The following ZNF322 variants were observed in gnomAD, a reference collection of about 807,000 sequenced individuals.
ZNF322 encodes HLA complex group 12.
Under a neutral mutation model 18.3 loss-of-function variants are expected in ZNF322, and 1 was observed. That is an observed-to-expected ratio of 0.05 (90% confidence interval 0.02 to 0.26). ZNF322 has a LOEUF of 0.26. Ranked by LOEUF, ZNF322 falls within the 10% of genes least tolerant of loss-of-function variation. The pLI, the probability that ZNF322 is intolerant of heterozygous loss-of-function variation, is 1.00. For missense variants in ZNF322, 36 were observed against 403.6 expected (o/e 0.09, Z 7.80); for synonymous variants, 17 against 130.7 (o/e 0.13, Z 5.93).
At chr6:26,650,924 T>TA (rs1384462916) in intron 2 of ZNF322, among the ~76,000 whole-genome samples, 2 of 152,290 alleles carry the variant, frequency 1.3e-5, no homozygotes, top group South Asian at 2.1e-4. Flanking sequence ...GACATACTGA[T>TA]ACAAAGTTTA....
chr6:26,640,617 C>T (rs1379657826), intron 3 of ZNF322, among the ~76,000 whole-genome samples: 1 of 152,154 alleles, frequency 6.6e-6, no homozygotes, highest in Non-Finnish European at 1.5e-5. Flanking sequence ...AACAACACTC[C>T]TCTCCTTTCC....
intron 2 of ZNF322, among the ~76,000 whole-genome samples, chr6:26,645,099 G>A (rs1765532991): frequency 6.6e-6 from 1 of 151,734 alleles, no homozygotes; most frequent in Non-Finnish European, 1.5e-5. Flanking sequence ...GGCCATGGAA[G>A]TCAGTGGACA....
At chr6:26,649,320 T>A (rs371074035) in intron 2 of ZNF322, among the ~76,000 whole-genome samples, 28 of 140,912 alleles carry the variant, frequency 2.0e-4, no homozygotes, top group African/African-American at 7.2e-4. Flanking sequence ...TAAACACATA[T>A]AGAAATTTAG....
At chr6:26,642,715 G>A (rs1765487299) in intron 3 of ZNF322, among the ~76,000 whole-genome samples, 1 of 152,122 alleles carries the variant, frequency 6.6e-6, no homozygotes, top group Non-Finnish European at 1.5e-5. Flanking sequence ...TCAGTTTACA[G>A]AGCTAAATGG....
chr6:26,656,828 A>G (rs1765780149), intron 2 of ZNF322, among the ~76,000 whole-genome samples: 2 of 152,142 alleles, frequency 1.3e-5, no homozygotes, highest in Admixed American at 6.5e-5. Context: ...TAAACAACCA[A>G]TGAAGTGTGG....
chr6:26,646,599 C>T (rs936226748), intron 2 of ZNF322, among the ~76,000 whole-genome samples: 4 of 152,110 alleles, frequency 2.6e-5, no homozygotes, highest in African/African-American at 4.8e-5. Context: ...TAATATACCA[C>T]TCTCAATAAA....
chr6:26,651,935 G>A (rs1554149242), intron 2 of ZNF322, among the ~76,000 whole-genome samples: 1 of 152,126 alleles, frequency 6.6e-6, no homozygotes, highest in African/African-American at 2.4e-5. Flanking sequence ...AGGATCAAGT[G>A]GTCCTCCCAC....
At chr6:26,645,798 G>A (rs529304509) in intron 2 of ZNF322, among the ~76,000 whole-genome samples, 5 of 152,058 alleles carry the variant, frequency 3.3e-5, no homozygotes, top group Non-Finnish European at 7.3e-5. Flanking sequence ...TTGGGAGACC[G>A]AGGCAGGCGG....
chr6:26,644,878 C>T (rs1765528946), intron 2 of ZNF322, among the ~76,000 whole-genome samples: 1 of 152,028 alleles, frequency 6.6e-6, no homozygotes. Context: ...TAAATGTGTG[C>T]CTATGTAAAC....
intron 2 of ZNF322, among the ~76,000 whole-genome samples, chr6:26,649,500 AATGATAAGAT>A (rs1765613380): frequency 6.6e-6 from 1 of 151,818 alleles, no homozygotes; most frequent in African/African-American, 2.4e-5. Context: ...TATACATGGA[AATGATAAGAT>A]ACTACAAGAA....
intron 3 of ZNF322, among the ~76,000 whole-genome samples, chr6:26,642,015 G>A (rs906807202): frequency 1.3e-5 from 2 of 152,122 alleles, no homozygotes; most frequent in African/African-American, 2.4e-5. Flanking sequence ...GGAATGTCTC[G>A]GTGTAAAACC....
rs1432399367 is a variant in ZNF322, at chr6:26,635,204, G to A, written c.*2141C>T. 1.9e-5 allele frequency: 1 copy of A among 53,070 alleles called. No homozygotes were observed. The highest frequency in any genetic ancestry group is 7.9e-5 in the African/African-American group (1 of 12,652). The allele number at this position is 53,070 out of a possible 1,614,324, so 3.3% of individuals were successfully genotyped here. ...ACACAAGGTAGCAGTGTAGCAGTTC[G>A]CCAACTCCATGAATCCAAATGGCAA... On this transcript the variant is annotated 3_prime_UTR_variant, in exon 4 of 4. Transcript: ENST00000415922.
intron 2 of ZNF322, among the ~76,000 whole-genome samples, chr6:26,652,752 T>C (rs1361892727): frequency 1.3e-5 from 2 of 152,052 alleles, no homozygotes; most frequent in Non-Finnish European, 2.9e-5. Flanking sequence ...TGAACCCTAA[T>C]GTAACCTATG....
chr6:26,649,714 T>TA (rs1554149017), intron 2 of ZNF322, among the ~76,000 whole-genome samples: 5 of 124,580 alleles, frequency 4.0e-5, no homozygotes, highest in African/African-American at 1.5e-4. Context: ...TTTTTTTTTT[T>TA]TTTTTTGAGA....
chr6:26,652,480 G>A (rs562786786), intron 2 of ZNF322, among the ~76,000 whole-genome samples: 74 of 152,282 alleles, frequency 4.9e-4, no homozygotes, highest in Middle Eastern at 3.4e-3. Context: ...CCTGAAGTGA[G>A]GAGTTCGAGA....
intron 2 of ZNF322, among the ~76,000 whole-genome samples, chr6:26,657,652 T>C (rs1765805777): frequency 1.3e-5 from 2 of 152,176 alleles, no homozygotes; most frequent in Admixed American, 1.3e-4. Context: ...ACTTAGTCTT[T>C]TGCTTACTGT....
intron 2 of ZNF322, among the ~76,000 whole-genome samples, chr6:26,657,600 CGTTT>C (rs1765804858): frequency 6.6e-6 from 1 of 152,078 alleles, no homozygotes; most frequent in South Asian, 2.1e-4. Context: ...TATATTTATT[CGTTT>C]GTCTTTTTAC....
intron 2 of ZNF322, among the ~76,000 whole-genome samples, chr6:26,646,293 C>T (rs13195210): frequency 0.19 from 28,638 of 151,886 alleles, 2,813 homozygotes; most frequent in African/African-American, 0.22. Context: ...CAAGCAAGAC[C>T]TAACTATATG....
intron 2 of ZNF322, chr6:26,651,602 C>A (rs1246986115): frequency 6.6e-6 from 1 of 151,988 alleles, no homozygotes; most frequent in Non-Finnish European, 1.5e-5. Flanking sequence ...ATGTTCTCAC[C>A]ACAAGAAATG....
Sources: allele counts gnomAD v4.1 joint callset (sites outside exome capture counted in the v4.1 genomes callset), GRCh38; gene constraint gnomAD v4.1.1; transcripts MANE v1.5; gene names NCBI Gene and HGNC (gene_info 2026-07-23, HGNC 2026-07-21).